The following PXN variants were observed in gnomAD, a reference collection of about 807,000 sequenced individuals.
PXN encodes the protein paxillin.
PXN carries 61 observed loss-of-function variants against 103.6 expected under a neutral mutation model. That is an observed-to-expected ratio of 0.59 (90% CI 0.48 to 0.73). The LOEUF is 0.73. Ranked by LOEUF, PXN falls within the 30% of genes least tolerant of loss-of-function variation. The pLI, the probability that PXN is intolerant of heterozygous loss-of-function variation, is 0.00. For synonymous variants in PXN, 562 were observed against 607.8 expected, an observed-to-expected ratio of 0.92 and a Z score of 1.11; for missense variants, 1,274 against 1,460.3, an observed-to-expected ratio of 0.87 and a Z score of 2.08.
Position 120,216,671 on chromosome 12 carries a change from C to A in PXN, c.1993-90G>T. 2.5e-6 allele frequency: 4 copies of A among 1,580,362 alleles called. No homozygotes were observed. The highest frequency in any genetic ancestry group is 3.4e-6 in the Non-Finnish European group (4 of 1,174,370). On this transcript the variant is annotated intron_variant, in intron 8 of 14. Transcript: ENST00000637617. The surrounding 1 kb of genome is among the most constrained non-coding windows in gnomAD (Gnocchi z 5.1). The stretch of plus-strand genomic sequence containing the variant: ...GGGACCTCCCCAGGCTCCCCCTGGG[C>A]CTTCCCACTCTGCACCAAGAGTGGG...
At chr12:120,234,195 T>C (rs2136439189) in intron 1 of PXN, among the ~76,000 whole-genome samples, 1 of 151,940 alleles carries the variant, frequency 6.6e-6, no homozygotes, top group Middle Eastern at 3.4e-3. Context: ...GGCCAGGAGT[T>C]CGAAACCATG....
rs751557051 is a variant in PXN, at chr12:120,214,957, G to A, written c.2616C>T (p.Phe872=). The A allele has an allele frequency of 5.5e-5, 89 of 1,613,844 alleles. No homozygotes were observed. Among genetic ancestry groups the A allele is most frequent in the Non-Finnish European group, 7.1e-5 (84 of 1,179,864 alleles). Residue 872 remains phenylalanine, a synonymous_variant, in exon 12 of 15, where the codon TTC becomes TTT. Coordinates refer to ENST00000637617, the MANE Select transcript of PXN (RefSeq NM_001385981.1). This position sits in a 1 kb window ranked among gnomAD's most constrained non-coding sequence, Gnocchi z 5.0. ...AMGKTWHPEH[F]VCTHCQEEIG... ...TCTCCTCCTGGCAGTGGGTGCAGACGAAGTGCTCGGGGTGCCACGTCTTCC... is the reference window on the plus strand; with the variant it reads ...TCTCCTCCTGGCAGTGGGTGCAGACAAAGTGCTCGGGGTGCCACGTCTTCC...
chr12:120,223,696 CCTGGGCAGA>C lies in PXN; in HGVS notation c.356+13_356+21del, dbSNP rs1182430720. 1.3e-6 allele frequency: 2 copies of C among 1,529,602 alleles called. No homozygotes were observed. Among genetic ancestry groups the C allele is most frequent in the Non-Finnish European group, 8.9e-7 (1 of 1,123,964 alleles). 94.8% of individuals were successfully genotyped at this position (1,529,602 alleles called of 1,614,324 possible). ...GATTTCTAAGCAGGAGGGAAGGTGC[CCTGGGCAGA>C]CTGGGGCAGTACCTGTAGACGTGCT... On this transcript the variant is annotated intron_variant, in intron 3 of 14. Transcript: ENST00000637617.
chr12:120,248,491 TTCACACACACAC>T (rs1251893655), intron 1 of PXN, among the ~76,000 whole-genome samples: 1 of 75,886 alleles, frequency 1.3e-5, no homozygotes, highest in African/African-American at 7.2e-5. Context: ...ACAGATGACT[TTCACACACACAC>T]ACACACACAC....
At chr12:120,246,025 T>C (rs1891045877) in intron 1 of PXN, among the ~76,000 whole-genome samples, 1 of 152,046 alleles carries the variant, frequency 6.6e-6, no homozygotes, top group South Asian at 2.1e-4. Context: ...ATCAAACCAA[T>C]GAAGTATAGC....
Position 120,215,045 on chromosome 12 carries a change from G to A in PXN, c.2575-47C>T, listed in dbSNP as rs1415997632. On this transcript the variant is annotated intron_variant, in intron 11 of 14. Coordinates refer to ENST00000637617, the MANE Select transcript of PXN (RefSeq NM_001385981.1). The surrounding 1 kb of genome is among the most constrained non-coding windows in gnomAD (Gnocchi z 4.9). Reference sequence around the variant, plus strand: ...GTCCAGGGCCAAGGCCAGCCCCGGAGCACCCCCACCCCTGCAGGAGTCCAC... The same window carrying A: ...GTCCAGGGCCAAGGCCAGCCCCGGAACACCCCCACCCCTGCAGGAGTCCAC... The A allele has an allele frequency of 1.9e-6, 3 of 1,603,046 alleles. No homozygotes were observed. The highest frequency in any genetic ancestry group is 1.7e-6 in the Non-Finnish European group (2 of 1,174,738).
At chr12:120,243,440 A>G (rs1312064506) in intron 1 of PXN, among the ~76,000 whole-genome samples, 1 of 152,198 alleles carries the variant, frequency 6.6e-6, no homozygotes, top group East Asian at 1.9e-4. Flanking sequence ...CTGTAATCCA[A>G]GCATTTTGGG....
chr12:120,242,026 A>G (rs1594476691), intron 1 of PXN, among the ~76,000 whole-genome samples: 1 of 152,192 alleles, frequency 6.6e-6, no homozygotes, highest in East Asian at 1.9e-4. Context: ...TGCAGGAGGG[A>G]TGGAACAGAT....
At position 120,216,439 on chromosome 12, in the gene PXN, G is replaced by T; in HGVS notation, c.2135C>A (p.Pro712His). The change falls in exon 9 of 15, where the codon CCC becomes CAC. Residue 712 changes from proline to histidine, a missense_variant. Physicochemically the swap from Pro to His is moderately conservative, Grantham distance 77. Coordinates refer to ENST00000637617, the MANE Select transcript of PXN (RefSeq NM_001385981.1). This position sits in a 1 kb window ranked among gnomAD's most constrained non-coding sequence, Gnocchi z 5.1. ...SPLPSLLASS[P>H]LGPSAYTCGS... ...ACAGGTATAAGCTGAGGGCCCCAGGGGGGAGGAGGCGAGCAGGCTGGGCAG... is the reference window on the plus strand; with the variant it reads ...ACAGGTATAAGCTGAGGGCCCCAGGTGGGAGGAGGCGAGCAGGCTGGGCAG... 1 of 1,379,390 alleles carries T rather than the reference G, an allele frequency of 7.2e-7. No homozygotes were observed. The highest frequency in any genetic ancestry group is 9.3e-7 in the Non-Finnish European group (1 of 1,076,062). 85.4% of individuals were successfully genotyped at this position (1,379,390 alleles called of 1,614,324 possible). A position where few individuals can be genotyped will look rare whatever the true frequency, so the allele number is the denominator to read the frequency against.
At chr12:120,236,994 G>T (rs752027469) in intron 1 of PXN, among the ~76,000 whole-genome samples, 3 of 151,792 alleles carry the variant, frequency 2.0e-5, no homozygotes, top group Non-Finnish European at 4.4e-5. Context: ...TGTAGACAGG[G>T]TCTTAGGATG....
At position 120,217,749 on chromosome 12, in the gene PXN, TTTG is replaced by T. The variant is rs761601536; in HGVS notation, c.1717-636_1717-634del. ...CATGCACCACCACGCCTGGCTAATTTTTGTTGTTGTTGTTTTTTGTTTTTTTTT... is the reference window on the plus strand; with the variant it reads ...CATGCACCACCACGCCTGGCTAATTTTTGTTGTTGTTTTTTGTTTTTTTTT... On this transcript the variant is annotated intron_variant, in intron 7 of 14. Transcript: ENST00000637617. The surrounding 1 kb of genome is among the most constrained non-coding windows in gnomAD (Gnocchi z 4.1). Among the ~76,000 whole-genome samples, 17 of 151,558 alleles carry T rather than the reference TTTG, an allele frequency of 1.1e-4. No individual in the cohort carries two copies. Among genetic ancestry groups the T allele is most frequent in the Non-Finnish European group, 2.2e-4 (15 of 67,902 alleles).
chr12:120,218,627 C>T (rs952303688), intron 7 of PXN, among the ~76,000 whole-genome samples: 1 of 152,216 alleles, frequency 6.6e-6, no homozygotes, highest in Non-Finnish European at 1.5e-5. Context: ...CCGCCCGCCT[C>T]GGCCTCCCAA....
At chr12:120,246,523 A>AG (rs1891159651) in intron 1 of PXN, among the ~76,000 whole-genome samples, 1 of 148,590 alleles carries the variant, frequency 6.7e-6, no homozygotes, top group East Asian at 2.0e-4. Context: ...TCAAAAAAAA[A>AG]AAAAAAAAAA....
In PXN at chr12:120,214,234, T is replaced by TG. The variant is rs768139580; in HGVS notation, c.2749-18dup. 1.3e-6 allele frequency: 2 copies of TG among 1,549,242 alleles called. No homozygotes were observed. On this transcript the variant is annotated splice_polypyrimidine_tract_variant and intron_variant, in intron 12 of 14. Coordinates refer to ENST00000637617, the MANE Select transcript of PXN (RefSeq NM_001385981.1). The surrounding 1 kb of genome is among the most constrained non-coding windows in gnomAD (Gnocchi z 5.0). ...CACCACTTTCTGTGAAAGCAAAATG[T>TG]GGGATCAAGGCTGAGCTCTGGGCAG...
At chr12:120,264,943 T>C (rs912657403) in intron 1 of PXN, among the ~76,000 whole-genome samples, 25 of 151,498 alleles carry the variant, frequency 1.7e-4, no homozygotes, top group African/African-American at 6.1e-4. Flanking sequence ...TGAAACGGGG[T>C]GACCAGATTT....
rs1887316690 is a variant in PXN, at chr12:120,228,339, GT to G, written c.14-3963del. Among the ~76,000 whole-genome samples, 1 of 152,238 alleles carries G rather than the reference GT, an allele frequency of 6.6e-6. No individual in the cohort carries two copies. The highest frequency in any genetic ancestry group is 1.5e-5 in the Non-Finnish European group (1 of 68,040). ...AGGAAACCCACCCTGAATTCTGCAG[GT>G]TTTCTGTCTCTCTGGGCCAGCGGAA... On this transcript the variant is annotated intron_variant, in intron 1 of 14. Transcript: ENST00000637617. The surrounding 1 kb of genome is among the most constrained non-coding windows in gnomAD (Gnocchi z 4.7).
intron 1 of PXN, among the ~76,000 whole-genome samples, chr12:120,255,959 G>T (rs905103118): frequency 3.1e-4 from 47 of 149,344 alleles, no homozygotes; most frequent in Admixed American, 2.4e-3. Flanking sequence ...CGGGGGGTTG[G>T]GGGGGGTGGG....
At chr12:120,240,531 C>T (rs569696007) in intron 1 of PXN, among the ~76,000 whole-genome samples, 2 of 152,184 alleles carry the variant, frequency 1.3e-5, no homozygotes, top group Admixed American at 6.5e-5. Flanking sequence ...ACAGCAATCT[C>T]TCTCCCTGGC....
At chr12:120,244,963 G>A (rs1208239461) in intron 1 of PXN, among the ~76,000 whole-genome samples, 1 of 152,066 alleles carries the variant, frequency 6.6e-6, no homozygotes, top group African/African-American at 2.4e-5. Context: ...GGCCTATCTG[G>A]CTTCCTTTGT....
Sources: gnomAD v4.1 joint callset for allele counts (sites outside exome capture counted in the v4.1 genomes callset) on GRCh38, gnomAD v4.1.1 for gene constraint, Gnocchi (gnomAD v3.1) non-coding constraint, MANE v1.5 for transcripts, NCBI Gene and HGNC (gene_info 2026-07-23, HGNC 2026-07-21) for gene names.